Variants in PCDH19 observed in about 807,000 individuals in gnomAD.
PCDH19 encodes the protein protocadherin-19.
A neutral mutation model predicts 46.2 loss-of-function variants in PCDH19; 6 were observed. That is an observed-to-expected ratio of 0.13 (90% CI 0.07 to 0.26). The LOEUF is 0.26. PCDH19 is among the 10% of genes least tolerant of loss of function. The pLI is 1.00. For synonymous variants in PCDH19, 481 were observed against 415.7 expected (o/e 1.16, Z -1.91); for missense variants, 740 against 972.3 (o/e 0.76, Z 3.18).
At chrX:100,312,457 A>T (rs1470285141) in intron 5 of PCDH19, among the ~76,000 whole-genome samples, 3 of 111,805 alleles carry the variant, frequency 2.7e-5, no homozygotes, top group African/African-American at 9.7e-5. Flanking sequence ...ACAATGCTAA[A>T]TTTTACTCTT....
chrX:100,368,558 G>A (rs1208371159), intron 3 of PCDH19, among the ~76,000 whole-genome samples: 3 of 111,700 alleles, frequency 2.7e-5, no homozygotes, highest in Non-Finnish European at 5.6e-5. Context: ...AAAAGAAGCT[G>A]AAAAGTTACT....
intron 5 of PCDH19, among the ~76,000 whole-genome samples, chrX:100,308,184 A>C (rs2147455858): frequency 8.9e-6 from 1 of 111,810 alleles, no homozygotes; most frequent in Non-Finnish European, 1.9e-5. Flanking sequence ...ATACTGGTAT[A>C]AAAATAAGTA....
chrX:100,329,294 G>A (rs1420400432), intron 5 of PCDH19, among the ~76,000 whole-genome samples: 1 of 112,134 alleles, frequency 8.9e-6, no homozygotes, highest in South Asian at 3.7e-4. Flanking sequence ...GCTCTAGGTC[G>A]TTAAAATCCA....
At position 100,295,532 on chromosome X, in the gene PCDH19, CTCAA is replaced by C. The variant is rs1405890532; in HGVS notation, c.*741_*744del. On this transcript the variant is annotated 3_prime_UTR_variant, in exon 6 of 6. Coordinates refer to ENST00000373034, the MANE Select transcript of PCDH19 (RefSeq NM_001184880.2). ...AAAAAACGTGAGTATTCTCCAAGTACTCAATCTATATGCATGGTGTTGCTCATTC... is the reference window on the plus strand; with the variant it reads ...AAAAAACGTGAGTATTCTCCAAGTACTCTATATGCATGGTGTTGCTCATTC... The C allele has an allele frequency of 2.3e-4, 26 of 112,250 alleles. No individual in the cohort carries two copies. Among genetic ancestry groups the C allele is most frequent in the African/African-American group, 7.4e-4 (23 of 30,882 alleles). The allele number at this position is 112,250 out of a possible 1,213,427, so 9.3% of individuals were successfully genotyped here.
chrX:100,394,065 G>A (rs954302695), intron 3 of PCDH19, among the ~76,000 whole-genome samples: 2 of 112,017 alleles, frequency 1.8e-5, no homozygotes, highest in African/African-American at 6.5e-5. Context: ...TATTCAGGAG[G>A]CTGAGGCAGC....
chrX:100,369,209 C>T (rs1279043801), intron 3 of PCDH19, among the ~76,000 whole-genome samples: 3 of 111,173 alleles, frequency 2.7e-5, no homozygotes, highest in Non-Finnish European at 5.7e-5. Context: ...AAGCCACATC[C>T]AAGGTTTTTC....
chrX:100,322,150 A>G (rs1019832771), intron 5 of PCDH19, among the ~76,000 whole-genome samples: 1 of 110,956 alleles, frequency 9.0e-6, no homozygotes, highest in Non-Finnish European at 1.9e-5. Context: ...GCCTAAGCCA[A>G]TGTCTAGAAG....
rs60114664 is a variant in PCDH19 at position 100,363,304 on chromosome X, CAA to C, written c.2617-12602_2617-12601del. Among the ~76,000 whole-genome samples the C allele has an allele frequency of 2.2e-3, 134 of 60,977 alleles. 1 individual carries two copies. The highest frequency in any genetic ancestry group is 7.8e-3 in the African/African-American group (129 of 16,442). 53.0% of individuals were successfully genotyped at this position (60,977 alleles called of 115,157 possible). A position where few individuals can be genotyped will look rare whatever the true frequency, so the allele number is the denominator to read the frequency against. ...GGACAACAAGAGCGAAACTCCATCTCAAAAAAAAAAAAAAAATGGAAATAATA... is the reference window on the plus strand; with the variant it reads ...GGACAACAAGAGCGAAACTCCATCTCAAAAAAAAAAAAAATGGAAATAATA... On this transcript the variant is annotated intron_variant, in intron 3 of 5. Coordinates refer to ENST00000373034, the MANE Select transcript of PCDH19 (RefSeq NM_001184880.2).
chrX:100,374,810 G>C (rs760435987), intron 3 of PCDH19, among the ~76,000 whole-genome samples: 1 of 110,713 alleles, frequency 9.0e-6, no homozygotes, highest in African/African-American at 3.3e-5. Flanking sequence ...ATGGTGGTGG[G>C]CGCCTGTAGT....
chrX:100,315,122 A>G (rs773746866), intron 5 of PCDH19, among the ~76,000 whole-genome samples: 1 of 112,212 alleles, frequency 8.9e-6, no homozygotes, highest in South Asian at 3.7e-4. Context: ...AAGCCTGACA[A>G]TTCTGTGGGG....
rs1182015377 is a variant in PCDH19 at position 100,318,202 on chromosome X, TAAC to T, written c.2849-21330_2849-21328del. On this transcript the variant is annotated intron_variant, in intron 5 of 5. Coordinates refer to ENST00000373034, the MANE Select transcript of PCDH19 (RefSeq NM_001184880.2). ...ACCTTAGAGTCCCAGATCTAAGACT[TAAC>T]AGCCCTATCCTATAGAAGTTACTTA... Among the ~76,000 whole-genome samples the T allele has an allele frequency of 7.2e-5, 8 of 111,852 alleles. No individual in the cohort carries two copies. The East Asian group carries it at 2.3e-3, about 32-fold the overall frequency.
chrX:100,338,476 C>T lies in PCDH19; in HGVS notation c.2848+3427G>A, dbSNP rs112919389. 6.6e-3 allele frequency among the ~76,000 whole-genome samples: 671 copies of T among 101,940 alleles called. 4 individuals carry two copies. The highest frequency in any genetic ancestry group is 0.023 in the African/African-American group (623 of 27,580). 88.5% of individuals were successfully genotyped at this position (101,940 alleles called of 115,157 possible). On this transcript the variant is annotated intron_variant, in intron 5 of 5. Transcript: ENST00000373034. Reference sequence around the variant, plus strand: ...GGCAGAAGTTGCAGTGAGTAGAGATCGCACCAGTGCACTCCAGCCTGGGTG... The same window carrying T: ...GGCAGAAGTTGCAGTGAGTAGAGATTGCACCAGTGCACTCCAGCCTGGGTG...
chrX:100,336,671 T>A (rs1340668820), intron 5 of PCDH19, among the ~76,000 whole-genome samples: 50 of 112,363 alleles, frequency 4.4e-4, no homozygotes, highest in Non-Finnish European at 2.1e-4. Context: ...TACAAAAAAA[T>A]TCTGTAAGTT....
intron 3 of PCDH19, among the ~76,000 whole-genome samples, chrX:100,363,852 C>CATGCGCATGTGTGT (rs1926985617): frequency 2.3e-4 from 1 of 4,351 alleles, no homozygotes; most frequent in Admixed American, 4.5e-3. Context: ...GTAGAATGTG[C>CATGCGCATGTGTGT]GTGCGTGTGT....
chrX:100,400,114 G>A (rs771512220), intron 3 of PCDH19, among the ~76,000 whole-genome samples: 1 of 111,483 alleles, frequency 9.0e-6, no homozygotes, highest in Non-Finnish European at 1.9e-5. Context: ...ACAAGTAACA[G>A]TGCCGTTACT....
At chrX:100,397,639 C>A (rs905646249) in intron 3 of PCDH19, among the ~76,000 whole-genome samples, 4 of 111,906 alleles carry the variant, frequency 3.6e-5, no homozygotes, top group African/African-American at 1.3e-4. Context: ...GGTGTTTGGG[C>A]CATTTCACCC....
chrX:100,349,204 G>C (rs1199872311), intron 4 of PCDH19, among the ~76,000 whole-genome samples: 2 of 112,128 alleles, frequency 1.8e-5, no homozygotes, highest in South Asian at 3.7e-4. Context: ...TAACAATTCG[G>C]AAGCAGAAAC....
chrX:100,320,450 A>T (rs1925439393), intron 5 of PCDH19, among the ~76,000 whole-genome samples: 1 of 111,961 alleles, frequency 8.9e-6, no homozygotes, highest in African/African-American at 3.2e-5. Context: ...CAATTAAAAG[A>T]AAAAGGCAAT....
At chrX:100,363,016 A>T (rs1926937525) in intron 3 of PCDH19, among the ~76,000 whole-genome samples, 1 of 110,300 alleles carries the variant, frequency 9.1e-6, no homozygotes. Flanking sequence ...TAAAATGGAA[A>T]TAATATCAGC....
Sources: allele counts gnomAD v4.1 joint callset (sites outside exome capture counted in the v4.1 genomes callset), GRCh38; gene constraint gnomAD v4.1.1; transcripts MANE v1.5; gene names NCBI Gene and HGNC (gene_info 2026-07-23, HGNC 2026-07-21).